The following NRP1 variants were observed in gnomAD, a reference collection of about 807,000 sequenced individuals.
NRP1 encodes the protein neuropilin-1.
NRP1 carries 35 observed loss-of-function variants against 106.7 expected under a neutral mutation model. The observed-to-expected ratio is 0.33, with a 90% CI of 0.25 to 0.43. The LOEUF (loss-of-function observed/expected upper bound fraction) is 0.43. Among genes scored for constraint, NRP1 ranks in the 20% least tolerant of loss-of-function variants. The probability of loss-of-function intolerance (pLI) is 1.00; values close to 1 mark genes in which losing one functional copy is unlikely to be tolerated. For missense variants in NRP1, 1,024 were observed against 1,170.4 expected, an observed-to-expected ratio of 0.87 and a Z score of 1.83; for synonymous variants, 437 against 417.9, an observed-to-expected ratio of 1.05 and a Z score of -0.56.
At chr10:33,233,802 A>T (rs1387993264) in intron 6 of NRP1, among the ~76,000 whole-genome samples, 1 of 152,194 alleles carries the variant, frequency 6.6e-6, no homozygotes, top group Non-Finnish European at 1.5e-5. Flanking sequence ...ATCTCTGATG[A>T]CTCAAAGAGC....
chr10:33,266,818 G>A (rs1842951056), intron 3 of NRP1, among the ~76,000 whole-genome samples: 1 of 152,170 alleles, frequency 6.6e-6, no homozygotes, highest in South Asian at 2.1e-4. Context: ...AGAACTGGTT[G>A]TTTAAAAACG....
chr10:33,328,279 T>C (rs1848036079), intron 2 of NRP1, among the ~76,000 whole-genome samples: 1 of 148,210 alleles, frequency 6.7e-6, no homozygotes, highest in Admixed American at 6.7e-5. Context: ...CAAATCATTA[T>C]TTAAGGTTTA....
At chr10:33,215,029 G>A (rs775718020) in intron 8 of NRP1, among the ~76,000 whole-genome samples, 7 of 152,086 alleles carry the variant, frequency 4.6e-5, no homozygotes, top group Non-Finnish European at 1.0e-4. Flanking sequence ...ATTTTACCCC[G>A]ACAATAGAAA....
intron 2 of NRP1, among the ~76,000 whole-genome samples, chr10:33,273,658 A>T (rs564390892): frequency 6.6e-6 from 1 of 152,280 alleles, no homozygotes; most frequent in Admixed American, 6.5e-5. Context: ...CAAAGGTGAG[A>T]ATGAAGGCAC....
chr10:33,192,555 A>C (rs1487836433), intron 12 of NRP1, 137 bp from the exon 13 acceptor site: 2 of 871,602 alleles, frequency 2.3e-6, no homozygotes, highest in African/African-American at 3.4e-5. Flanking sequence ...ATTCCAGGAA[A>C]GCCAGGATTA....
intron 8 of NRP1, among the ~76,000 whole-genome samples, chr10:33,219,248 A>G (rs1009608241): frequency 1.3e-5 from 2 of 152,152 alleles, no homozygotes; most frequent in African/African-American, 4.8e-5. Flanking sequence ...CATTAAGGTG[A>G]TCCTCACAGA....
intron 6 of NRP1, among the ~76,000 whole-genome samples, chr10:33,227,971 T>C (rs1034231263): frequency 1.3e-5 from 2 of 151,976 alleles, no homozygotes; most frequent in African/African-American, 4.8e-5. Context: ...TAGGTTTTTT[T>C]TTCTTTAACT....
rs752642999 is a variant in NRP1, at chr10:33,229,461, C to T, written c.982-3172G>A. 6.6e-5 allele frequency among the ~76,000 whole-genome samples: 10 copies of T among 152,180 alleles called. No homozygotes were observed. The South Asian group carries it at 8.3e-4, about 13-fold the overall frequency. On this transcript the variant is annotated intron_variant, in intron 6 of 16. Coordinates refer to ENST00000374867, the MANE Select transcript of NRP1 (RefSeq NM_003873.7). The stretch of plus-strand genomic sequence containing the variant: ...GAAGGGTCCTTAAAATCTTGAAGTC[C>T]GAGGAAGCATGAAGCAGAGCTATTT...
intron 13 of NRP1, 29 bp downstream of exon 13, chr10:33,192,252 C>A (rs761303057): frequency 6.3e-7 from 1 of 1,595,648 alleles, no homozygotes; most frequent in Admixed American, 1.7e-5. Context: ...ATCTGCAAAG[C>A]CATGCAGCCG....
intron 6 of NRP1, among the ~76,000 whole-genome samples, chr10:33,245,132 C>T (rs1279536354): frequency 6.6e-6 from 1 of 152,158 alleles, no homozygotes; most frequent in Non-Finnish European, 1.5e-5. Context: ...ATAATATCTA[C>T]AAGCAGTCAA....
intron 2 of NRP1, among the ~76,000 whole-genome samples, chr10:33,278,739 T>C (rs1413151157): frequency 3.3e-5 from 5 of 152,156 alleles, no homozygotes; most frequent in African/African-American, 1.2e-4. Context: ...CATACTGAGA[T>C]GACCAGTTCT....
intron 2 of NRP1, among the ~76,000 whole-genome samples, chr10:33,301,053 C>G (rs1845766228): frequency 6.6e-6 from 1 of 152,164 alleles, no homozygotes; most frequent in African/African-American, 2.4e-5. Flanking sequence ...GCCCCATTCT[C>G]TCCTCCATGG....
At chr10:33,303,132 C>T (rs975276119) in intron 2 of NRP1, among the ~76,000 whole-genome samples, 2 of 152,186 alleles carry the variant, frequency 1.3e-5, no homozygotes, top group African/African-American at 2.4e-5. Context: ...TGTCTCTGAA[C>T]CTTGCCATGG....
At chr10:33,283,941 C>G (rs1411674923) in intron 2 of NRP1, among the ~76,000 whole-genome samples, 1 of 152,326 alleles carries the variant, frequency 6.6e-6, no homozygotes, top group African/African-American at 2.4e-5. Flanking sequence ...AACCCCCATC[C>G]TACCATCTAA....
intron 6 of NRP1, among the ~76,000 whole-genome samples, chr10:33,226,861 C>T (rs1588775391): frequency 6.6e-6 from 1 of 152,170 alleles, no homozygotes; most frequent in Admixed American, 6.5e-5. Flanking sequence ...CTGGACCAAA[C>T]CAATGTACAT....
intron 7 of NRP1, among the ~76,000 whole-genome samples, chr10:33,222,241 A>C (rs1279587104): frequency 6.6e-6 from 1 of 152,168 alleles, no homozygotes; most frequent in Non-Finnish European, 1.5e-5. Context: ...AAGAATCCCC[A>C]GAAGGGATGC....
In NRP1 at chr10:33,178,176, T is replaced by C. The variant is rs1305457063; in HGVS notation, c.*1900A>G. The C allele has an allele frequency of 6.6e-6, 1 of 152,604 alleles. No individual in the cohort carries two copies. The highest frequency in any genetic ancestry group is 1.5e-5 in the Non-Finnish European group (1 of 68,036). 9.5% of individuals were successfully genotyped at this position (152,604 alleles called of 1,614,324 possible). ...CAATTTAACTAAGATGAATGGACTGTCTCGTCTATGATGCAAATGTGACTC... is the reference window on the plus strand; with the variant it reads ...CAATTTAACTAAGATGAATGGACTGCCTCGTCTATGATGCAAATGTGACTC... On this transcript the variant is annotated 3_prime_UTR_variant, in exon 17 of 17. Coordinates refer to ENST00000374867, the MANE Select transcript of NRP1 (RefSeq NM_003873.7).
At chr10:33,284,105 T>C (rs879562555) in intron 2 of NRP1, among the ~76,000 whole-genome samples, 10 of 151,616 alleles carry the variant, frequency 6.6e-5, no homozygotes, top group Admixed American at 1.3e-4. Context: ...GTATAAAAAA[T>C]TCCCCCTGAT....
chr10:33,241,322 T>C (rs1018401960), intron 6 of NRP1, among the ~76,000 whole-genome samples: 12 of 152,162 alleles, frequency 7.9e-5, no homozygotes, highest in Non-Finnish European at 1.6e-4. Flanking sequence ...TGGACAGAAC[T>C]CAAATTCTTT....
Sources: allele counts gnomAD v4.1 joint callset (sites outside exome capture counted in the v4.1 genomes callset), GRCh38; gene constraint gnomAD v4.1.1; transcripts MANE v1.5; gene names NCBI Gene and HGNC (gene_info 2026-07-23, HGNC 2026-07-21).